The following GRK3 variants were observed in gnomAD, a reference collection of about 807,000 sequenced individuals.
GRK3 encodes adrenergic, beta, receptor kinase 2.
A neutral mutation model predicts 95.7 loss-of-function variants in GRK3; 54 were observed. That is an observed-to-expected ratio of 0.56 (90% CI 0.45 to 0.71). The LOEUF (loss-of-function observed/expected upper bound fraction) is 0.71. Ranked by LOEUF, GRK3 falls within the 30% of genes least tolerant of loss-of-function variation. The pLI is 0.00. For synonymous variants in GRK3, 281 were observed against 290.8 expected (o/e 0.97, Z 0.34); for missense variants, 649 against 851.2 (o/e 0.76, Z 2.96).
chr22:25,688,055 T>C (rs931581402), intron 11 of GRK3, among the ~76,000 whole-genome samples: 3 of 151,942 alleles, frequency 2.0e-5, no homozygotes, highest in Non-Finnish European at 2.9e-5. Flanking sequence ...GCTAACACAG[T>C]GAAACCCCGT....
At chr22:25,716,485 C>G (rs1219276180) in intron 18 of GRK3, among the ~76,000 whole-genome samples, 1 of 152,052 alleles carries the variant, frequency 6.6e-6, no homozygotes, top group Non-Finnish European at 1.5e-5. Flanking sequence ...CTAGTTAGAG[C>G]TGTAATTAGA....
intron 13 of GRK3, among the ~76,000 whole-genome samples, chr22:25,699,919 C>A (rs186168035): frequency 1.3e-5 from 2 of 152,074 alleles, no homozygotes; most frequent in South Asian, 2.1e-4. Flanking sequence ...AGGATGGTCC[C>A]GATCTCCTGA....
At chr22:25,635,497 T>G (rs1357077025) in intron 2 of GRK3, among the ~76,000 whole-genome samples, 1 of 152,232 alleles carries the variant, frequency 6.6e-6, no homozygotes, top group Non-Finnish European at 1.5e-5. Flanking sequence ...TAATTTTTCC[T>G]GGTTCAGGAT....
chr22:25,674,578 A>T (rs755592496), intron 8 of GRK3, 50 bp downstream of exon 8: 11 of 1,331,022 alleles, frequency 8.3e-6, no homozygotes, highest in Admixed American at 7.4e-5. Flanking sequence ...AAATTTTAAT[A>T]TTTGCATGAA....
chr22:25,625,596 C>T (rs1292929341), intron 2 of GRK3, among the ~76,000 whole-genome samples: 3 of 152,186 alleles, frequency 2.0e-5, no homozygotes, highest in Non-Finnish European at 4.4e-5. Flanking sequence ...AGACTCTGCT[C>T]CTCCACCTTT....
intron 1 of GRK3, among the ~76,000 whole-genome samples, chr22:25,577,535 G>C (rs1931948547): frequency 6.6e-6 from 1 of 152,174 alleles, no homozygotes; most frequent in Non-Finnish European, 1.5e-5. Context: ...AATTGTGATG[G>C]AAAATTAATG....
intron 19 of GRK3, among the ~76,000 whole-genome samples, chr22:25,720,238 A>G (rs2146475889): frequency 6.6e-6 from 1 of 152,314 alleles, no homozygotes; most frequent in South Asian, 2.1e-4. Context: ...ATTGGATGCA[A>G]TAAATGAGCT....
intron 13 of GRK3, among the ~76,000 whole-genome samples, chr22:25,700,858 A>G (rs562344299): frequency 6.6e-6 from 1 of 152,318 alleles, no homozygotes; most frequent in East Asian, 1.9e-4. Flanking sequence ...GTGTGGGATT[A>G]CAGGCGTGAC....
intron 16 of GRK3, 101 bp from the exon 17 acceptor site, chr22:25,710,967 C>A: frequency 1.7e-6 from 1 of 573,706 alleles, no homozygotes; most frequent in Non-Finnish European, 3.0e-6. Context: ...CGCAGTGGAG[C>A]ATGCGGATAT....
At chr22:25,673,107 G>C (rs2084997730) in intron 7 of GRK3, among the ~76,000 whole-genome samples, 1 of 149,868 alleles carries the variant, frequency 6.7e-6, no homozygotes, top group African/African-American at 2.5e-5. Flanking sequence ...TGTCGCCCAG[G>C]CTGGAATGTA....
At chr22:25,607,997 A>G (rs2084465380) in intron 2 of GRK3, among the ~76,000 whole-genome samples, 1 of 152,180 alleles carries the variant, frequency 6.6e-6, no homozygotes. Context: ...AGCACTTTAT[A>G]GGTGGTGCTG....
intron 2 of GRK3, among the ~76,000 whole-genome samples, chr22:25,637,670 G>T (rs2045671261): frequency 6.6e-6 from 1 of 152,194 alleles, no homozygotes; most frequent in South Asian, 2.1e-4. Flanking sequence ...TTTCCTAAGG[G>T]ACTGTATATT....
At chr22:25,649,806 C>G (rs1173789814) in intron 3 of GRK3, among the ~76,000 whole-genome samples, 1 of 152,052 alleles carries the variant, frequency 6.6e-6, no homozygotes, top group Non-Finnish European at 1.5e-5. Context: ...TAAACAGGAT[C>G]TCAAACTTGA....
At chr22:25,610,993 C>G (rs2084492804) in intron 2 of GRK3, among the ~76,000 whole-genome samples, 1 of 152,110 alleles carries the variant, frequency 6.6e-6, no homozygotes, top group African/African-American at 2.4e-5. Context: ...TCCTGAGTAG[C>G]TGGGATTACA....
chr22:25,598,821 A>C (rs1381947432), intron 1 of GRK3, among the ~76,000 whole-genome samples: 1 of 152,048 alleles, frequency 6.6e-6, no homozygotes, highest in African/African-American at 2.4e-5. Flanking sequence ...CTTCCTGTAG[A>C]GCTGTTGTCA....
At chr22:25,629,339 G>A (rs1360941894) in intron 2 of GRK3, among the ~76,000 whole-genome samples, 2 of 152,180 alleles carry the variant, frequency 1.3e-5, no homozygotes, top group Non-Finnish European at 2.9e-5. Context: ...GGTGGCTGCC[G>A]AGATGGAAGG....
chr22:25,567,523 TA>T (rs1336061941), intron 1 of GRK3, among the ~76,000 whole-genome samples: 1 of 152,228 alleles, frequency 6.6e-6, no homozygotes, highest in Admixed American at 6.5e-5. Context: ...CCTAATGACT[TA>T]AATAGCTGGT....
chr22:25,619,650 GTTTTTTTTT>G (rs536273282), intron 2 of GRK3, among the ~76,000 whole-genome samples: 6 of 107,926 alleles, frequency 5.6e-5, no homozygotes, highest in Admixed American at 2.1e-4. Context: ...TACCTGGCTA[GTTTTTTTTT>G]TTTTTTTTTT....
intron 1 of GRK3, among the ~76,000 whole-genome samples, chr22:25,570,146 A>T (rs1931638542): frequency 6.6e-6 from 1 of 152,248 alleles, no homozygotes; most frequent in Non-Finnish European, 1.5e-5. Context: ...TCAGAGACTG[A>T]TAGAGAATTC....
Sources: allele counts gnomAD v4.1 joint callset (sites outside exome capture counted in the v4.1 genomes callset), GRCh38; gene constraint gnomAD v4.1.1; transcripts MANE v1.5; gene names NCBI Gene and HGNC (gene_info 2026-07-23, HGNC 2026-07-21).